Variants in MYO3B observed in about 807,000 individuals in gnomAD.
MYO3B encodes myosin-IIIb.
In MYO3B, 156 loss-of-function variants were observed where a neutral mutation model predicts 174.6. The observed-to-expected ratio is 0.89, with a 90% confidence interval of 0.78 to 1.02. The LOEUF is 1.02. MYO3B is among the 50% of genes least tolerant of loss of function. The probability of loss-of-function intolerance (pLI) is 0.00; values close to 1 mark genes in which losing one functional copy is unlikely to be tolerated. For missense variants in MYO3B, 1,632 were observed against 1,639.4 expected (o/e 1.00, Z 0.08); for synonymous variants, 563 against 569.1 (o/e 0.99, Z 0.15).
intron 1 of MYO3B, among the ~76,000 whole-genome samples, chr2:170,193,983 C>T (rs1320938812): frequency 6.6e-6 from 1 of 152,020 alleles, no homozygotes; most frequent in Non-Finnish European, 1.5e-5. Context: ...ACATACTTCA[C>T]ACTGTTGATT....
chr2:170,371,999 T>A (rs1398685098), intron 9 of MYO3B, among the ~76,000 whole-genome samples: 1 of 150,556 alleles, frequency 6.6e-6, no homozygotes, highest in African/African-American at 2.4e-5. Flanking sequence ...TGGTGGCACA[T>A]GCCTGTAGTC....
intron 7 of MYO3B, among the ~76,000 whole-genome samples, chr2:170,291,759 T>G (rs1455602347): frequency 1.3e-5 from 2 of 152,048 alleles, no homozygotes; most frequent in Non-Finnish European, 2.9e-5. Context: ...ATTTTTTCCC[T>G]TCCTGGCCTG....
chr2:170,644,379 C>G (rs1460540949), intron 32 of MYO3B: 1 of 152,034 alleles, frequency 6.6e-6, no homozygotes, highest in Non-Finnish European at 1.5e-5. Flanking sequence ...CTTCACCTCC[C>G]AGGTTCAAAT....
intron 32 of MYO3B, among the ~76,000 whole-genome samples, chr2:170,631,190 C>T (rs1434472511): frequency 1.3e-5 from 2 of 152,058 alleles, no homozygotes; most frequent in South Asian, 2.1e-4. Flanking sequence ...ATAACCAATG[C>T]AGAGAAGTCC....
chr2:170,384,039 G>A, intron 12 of MYO3B: 1 of 485,634 alleles, frequency 2.1e-6, no homozygotes, highest in Non-Finnish European at 3.7e-6. Flanking sequence ...GTCACATGAG[G>A]TGCGCTCATT....
At chr2:170,630,431 C>T (rs138231560) in intron 32 of MYO3B, among the ~76,000 whole-genome samples, 19,159 of 152,162 alleles carry the variant, frequency 0.13, 1,355 homozygotes, top group East Asian at 0.29. Context: ...CGCAGCTCAA[C>T]GAGGCCTGCC....
At chr2:170,463,007 A>G (rs1684399018) in intron 23 of MYO3B, among the ~76,000 whole-genome samples, 1 of 152,216 alleles carries the variant, frequency 6.6e-6, no homozygotes, top group South Asian at 2.1e-4. Context: ...TCACGTCTTT[A>G]TAATCATTTC....
chr2:170,299,798 C>T (rs1451447289), intron 7 of MYO3B, among the ~76,000 whole-genome samples: 3 of 152,190 alleles, frequency 2.0e-5, no homozygotes, highest in Non-Finnish European at 4.4e-5. Context: ...AAGATATTTT[C>T]ATCGTGGGCA....
chr2:170,222,030 C>T (rs1012061805), intron 6 of MYO3B, among the ~76,000 whole-genome samples: 7 of 152,160 alleles, frequency 4.6e-5, no homozygotes, highest in South Asian at 2.1e-4. Flanking sequence ...TTAAGTTTCT[C>T]GTATAATAAG....
intron 32 of MYO3B, among the ~76,000 whole-genome samples, chr2:170,637,422 C>G (rs562307046): frequency 1.9e-4 from 29 of 152,236 alleles, no homozygotes; most frequent in African/African-American, 7.0e-4. Context: ...ATCCACCCCC[C>G]TCAGCCTCCC....
chr2:170,496,650 ATTTT>A (rs1686868291), intron 25 of MYO3B, among the ~76,000 whole-genome samples: 3 of 149,324 alleles, frequency 2.0e-5, no homozygotes, highest in Admixed American at 1.3e-4. Context: ...ATATATGTAT[ATTTT>A]TTAATTTTGA....
intron 7 of MYO3B, among the ~76,000 whole-genome samples, chr2:170,275,474 G>C (rs950571044): frequency 6.6e-6 from 1 of 152,028 alleles, no homozygotes; most frequent in Admixed American, 6.6e-5. Context: ...TTTTTCATGT[G>C]TACTATGTCC....
intron 6 of MYO3B, among the ~76,000 whole-genome samples, chr2:170,222,251 A>G (rs908313142): frequency 6.6e-6 from 1 of 152,212 alleles, no homozygotes; most frequent in Non-Finnish European, 1.5e-5. Flanking sequence ...GCCACAGGTG[A>G]AGGCACTCAT....
At chr2:170,231,574 T>G (rs1322572078) in intron 6 of MYO3B, among the ~76,000 whole-genome samples, 1 of 152,224 alleles carries the variant, frequency 6.6e-6, no homozygotes, top group Non-Finnish European at 1.5e-5. Context: ...AGTTTGCATT[T>G]CAAGGTAGGA....
intron 32 of MYO3B, among the ~76,000 whole-genome samples, chr2:170,567,711 A>G (rs1692156875): frequency 1.3e-5 from 2 of 152,180 alleles, no homozygotes; most frequent in Non-Finnish European, 2.9e-5. Flanking sequence ...CAACACAGCA[A>G]GAGTGACAAA....
At chr2:170,294,219 C>T (rs1235514127) in intron 7 of MYO3B, among the ~76,000 whole-genome samples, 4 of 151,856 alleles carry the variant, frequency 2.6e-5, no homozygotes, top group Non-Finnish European at 5.9e-5. Context: ...ACAAAATTCT[C>T]CATATACTGT....
chr2:170,379,395 A>G (rs958560631), intron 9 of MYO3B, among the ~76,000 whole-genome samples: 3 of 152,076 alleles, frequency 2.0e-5, no homozygotes, highest in Non-Finnish European at 4.4e-5. Context: ...GGATTTCACC[A>G]TGTTGGCCAG....
chr2:170,585,588 T>G (rs1344992631), intron 32 of MYO3B, among the ~76,000 whole-genome samples: 2 of 152,178 alleles, frequency 1.3e-5, no homozygotes, highest in Non-Finnish European at 1.5e-5. Context: ...CCTGGCCCCC[T>G]TGTGAGATCT....
chr2:170,647,110 A>ATGTT (rs1436890458), intron 32 of MYO3B, among the ~76,000 whole-genome samples: 1 of 152,200 alleles, frequency 6.6e-6, no homozygotes, highest in African/African-American at 2.4e-5. Flanking sequence ...TTTTTGGAGA[A>ATGTT]TGTTTAAAAT....
Sources: allele counts gnomAD v4.1 joint callset (sites outside exome capture counted in the v4.1 genomes callset), GRCh38; gene constraint gnomAD v4.1.1; transcripts MANE v1.5; gene names NCBI Gene and HGNC (gene_info 2026-07-23, HGNC 2026-07-21).